AP1AR: variants seen among roughly 807,000 people sequenced by gnomAD.
AP1AR encodes adaptor related protein complex 1 associated regulatory protein.
AP1AR carries 29 observed loss-of-function variants against 46.3 expected under a neutral mutation model. The ratio of observed to expected loss-of-function variants is 0.63; its 90% CI spans 0.47 to 0.85. The LOEUF is 0.85. Among genes scored for constraint, AP1AR ranks in the 40% least tolerant of loss-of-function variants. The pLI is 0.00. For synonymous variants in AP1AR, 122 were observed against 122.9 expected, an observed-to-expected ratio of 0.99 and a Z score of 0.05; for missense variants, 357 against 356.3, an observed-to-expected ratio of 1.00 and a Z score of -0.02.
chr4:112,240,834 T>A (rs546147118), intron 1 of AP1AR, among the ~76,000 whole-genome samples: 1 of 152,336 alleles, frequency 6.6e-6, no homozygotes, highest in South Asian at 2.1e-4. Flanking sequence ...AATGTATAGC[T>A]ATGCGTGTTA....
chr4:112,267,398 C>T (rs1323373099), intron 9 of AP1AR, among the ~76,000 whole-genome samples: 3 of 151,816 alleles, frequency 2.0e-5, no homozygotes, highest in African/African-American at 7.2e-5. Context: ...ATTATTTTTT[C>T]CTTTCAAGAT....
intron 1 of AP1AR, among the ~76,000 whole-genome samples, chr4:112,234,657 A>T (rs1156589256): frequency 9.3e-6 from 1 of 107,810 alleles, no homozygotes; most frequent in East Asian, 2.2e-4. Flanking sequence ...CTCTTATTTT[A>T]GTTTTTTTTT....
intron 1 of AP1AR, among the ~76,000 whole-genome samples, chr4:112,238,114 T>TGG (rs889725486): frequency 6.6e-6 from 1 of 152,274 alleles, no homozygotes; most frequent in Non-Finnish European, 1.5e-5. Context: ...ATTTGGCCAG[T>TGG]GGGCCATAGT....
At chr4:112,232,215 C>G in intron 1 of AP1AR, 41 bp downstream of exon 1, 1 of 1,258,474 alleles carries the variant, frequency 7.9e-7, no homozygotes. Flanking sequence ...CGTGGCTCCT[C>G]CTCTTCGGCC....
chr4:112,243,149 G>A (rs1320730747), intron 1 of AP1AR, among the ~76,000 whole-genome samples: 1 of 152,166 alleles, frequency 6.6e-6, no homozygotes, highest in Non-Finnish European at 1.5e-5. Context: ...TTATGTGCCC[G>A]TAATCATTTT....
At chr4:112,240,203 T>G (rs1725427339) in intron 1 of AP1AR, among the ~76,000 whole-genome samples, 2 of 152,186 alleles carry the variant, frequency 1.3e-5, no homozygotes, top group African/African-American at 4.8e-5. Context: ...CTCCTTTTAT[T>G]TTTTTATTTT....
intron 1 of AP1AR, among the ~76,000 whole-genome samples, chr4:112,239,078 C>A (rs1725372729): frequency 6.6e-6 from 1 of 152,150 alleles, no homozygotes; most frequent in Non-Finnish European, 1.5e-5. Context: ...TTTCTAACAT[C>A]TATATCCTCT....
At chr4:112,232,329 G>C (rs1168171336) in intron 1 of AP1AR, among the ~76,000 whole-genome samples, 155 bp downstream of exon 1, 1 of 152,232 alleles carries the variant, frequency 6.6e-6, no homozygotes, top group Non-Finnish European at 1.5e-5. Context: ...GGTCGTCTTG[G>C]AGGCCCAGTC....
chr4:112,241,469 C>T (rs1725495145), intron 1 of AP1AR, among the ~76,000 whole-genome samples: 3 of 152,202 alleles, frequency 2.0e-5, no homozygotes, highest in Admixed American at 6.5e-5. Flanking sequence ...ACCAGTGTCT[C>T]AGCTCAAGCA....
chr4:112,270,775 A>G lies in AP1AR; in HGVS notation c.*2366A>G, dbSNP rs923867649. Reference sequence around the variant, plus strand: ...GATACTGGAGTGGTAGTTAAGGGCCAGATGATGCAAGACCTTGTAGACCAA... The same window carrying G: ...GATACTGGAGTGGTAGTTAAGGGCCGGATGATGCAAGACCTTGTAGACCAA... On this transcript the variant is annotated 3_prime_UTR_variant, in exon 10 of 10. Transcript: ENST00000274000. Among the ~76,000 whole-genome samples, 4 of 152,212 alleles carry G rather than the reference A, an allele frequency of 2.6e-5. No homozygotes were observed. The highest frequency in any genetic ancestry group is 5.9e-5 in the Non-Finnish European group (4 of 68,038).
intron 1 of AP1AR, among the ~76,000 whole-genome samples, chr4:112,238,457 A>G (rs555780943): frequency 1.4e-3 from 209 of 152,172 alleles, no homozygotes; most frequent in Non-Finnish European, 2.4e-3. Context: ...TTATTATAAT[A>G]TATATTGCTA....
chr4:112,237,480 C>T (rs538082069), intron 1 of AP1AR, among the ~76,000 whole-genome samples: 31 of 150,592 alleles, frequency 2.1e-4, no homozygotes, highest in African/African-American at 6.6e-4. Context: ...TTTTTTGAGA[C>T]GAGGTCTCAC....
At chr4:112,258,157 C>T (rs1726286027) in intron 4 of AP1AR, among the ~76,000 whole-genome samples, 1 of 152,034 alleles carries the variant, frequency 6.6e-6, no homozygotes, top group African/African-American at 2.4e-5. Flanking sequence ...TTTTTCACAT[C>T]TTTTAATAGT....
At chr4:112,264,907 T>A in intron 6 of AP1AR, 102 bp from the exon 7 acceptor site, 2 of 869,254 alleles carry the variant, frequency 2.3e-6, no homozygotes, top group Non-Finnish European at 3.4e-6. Context: ...AACTTTTTTT[T>A]TTAGAAACTA....
At chr4:112,237,673 G>C (rs779454978) in intron 1 of AP1AR, among the ~76,000 whole-genome samples, 38 of 151,384 alleles carry the variant, frequency 2.5e-4, no homozygotes, top group Non-Finnish European at 4.7e-4. Flanking sequence ...TGCCCATGCT[G>C]GTCTCGAACT....
chr4:112,265,682 C>T (rs1359861112), intron 7 of AP1AR, 52 bp from the exon 8 acceptor site: 18 of 1,337,632 alleles, frequency 1.3e-5, no homozygotes, highest in Middle Eastern at 1.8e-4. Flanking sequence ...ATATATTTGT[C>T]ATATTGCAGC....
At chr4:112,246,229 G>A (rs186115008) in intron 1 of AP1AR, among the ~76,000 whole-genome samples, 1 of 152,254 alleles carries the variant, frequency 6.6e-6, no homozygotes, top group South Asian at 2.1e-4. Context: ...TTTTAGGCTG[G>A]GTGTGGTGGC....
chr4:112,257,804 C>A lies in AP1AR; in HGVS notation c.185+7C>A. ...GCCCAGGAAGCAGTCATAGGTAAGG[C>A]TTTGTTAAAAAAAAAAAACAAAACT... On this transcript the variant is annotated splice_region_variant and intron_variant, in intron 4 of 9. Coordinates refer to ENST00000274000, the MANE Select transcript of AP1AR (RefSeq NM_018569.6). 6.5e-7 allele frequency: 1 copy of A among 1,538,682 alleles called. No homozygotes were observed. Among genetic ancestry groups the A allele is most frequent in the Non-Finnish European group, 8.7e-7 (1 of 1,146,558 alleles).
intron 1 of AP1AR, among the ~76,000 whole-genome samples, chr4:112,246,107 T>C (rs531518632): frequency 6.6e-6 from 1 of 152,318 alleles, no homozygotes; most frequent in African/African-American, 2.4e-5. Context: ...GAAAATATTC[T>C]CAACCAGCAC....
Sources: allele counts gnomAD v4.1 joint callset (sites outside exome capture counted in the v4.1 genomes callset), GRCh38; gene constraint gnomAD v4.1.1; transcripts MANE v1.5; gene names NCBI Gene and HGNC (gene_info 2026-07-23, HGNC 2026-07-21).